CABCOCO1: variants seen among roughly 807,000 people sequenced by gnomAD.
CABCOCO1 encodes ciliary associated calcium binding coiled-coil 1.
In CABCOCO1, 28 loss-of-function variants were observed where a neutral mutation model predicts 35.7. The observed-to-expected ratio is 0.78, with a 90% confidence interval of 0.58 to 1.07. The LOEUF (loss-of-function observed/expected upper bound fraction) is 1.07. Ranked by LOEUF, CABCOCO1 falls within the 50% of genes least tolerant of loss-of-function variation. CABCOCO1 has a pLI of 0.00. For missense variants in CABCOCO1, 326 were observed against 309.2 expected (o/e 1.05, Z -0.41); for synonymous variants, 95 against 100.1 (o/e 0.95, Z 0.30).
At chr10:61,679,837 C>G (rs1005128251) in intron 2 of CABCOCO1, among the ~76,000 whole-genome samples, 10 of 151,614 alleles carry the variant, frequency 6.6e-5, no homozygotes, top group African/African-American at 2.4e-4. Context: ...ACATATGAAG[C>G]AACTACAGAA....
chr10:61,663,348 C>T (rs181346061), intron 1 of CABCOCO1, among the ~76,000 whole-genome samples: 1 of 151,898 alleles, frequency 6.6e-6, no homozygotes, highest in East Asian at 1.9e-4. Flanking sequence ...GCTTCTACCG[C>T]AGGTTTTGTT....
intron 7 of CABCOCO1, among the ~76,000 whole-genome samples, chr10:61,763,058 T>C (rs1470050724): frequency 2.0e-5 from 3 of 152,106 alleles, no homozygotes; most frequent in Admixed American, 6.6e-5. Context: ...AGTGTATATA[T>C]GCTATTTGAA....
chr10:61,675,678 T>G (rs1218661594), intron 2 of CABCOCO1, among the ~76,000 whole-genome samples: 1 of 151,966 alleles, frequency 6.6e-6, no homozygotes, highest in Non-Finnish European at 1.5e-5. Context: ...GAAGAAAATG[T>G]TAGATTAAAG....
At chr10:61,719,885 C>A (rs1023640024) in intron 5 of CABCOCO1, among the ~76,000 whole-genome samples, 1 of 142,422 alleles carries the variant, frequency 7.0e-6, no homozygotes, top group African/African-American at 2.6e-5. Flanking sequence ...CACACCACTG[C>A]ACTCCAGCCT....
chr10:61,758,089 C>A (rs1227548334), intron 5 of CABCOCO1, among the ~76,000 whole-genome samples: 1 of 151,984 alleles, frequency 6.6e-6, no homozygotes, highest in African/African-American at 2.4e-5. Flanking sequence ...TATCTCAGTG[C>A]CTGCAGTAAA....
At chr10:61,732,094 A>C in intron 5 of CABCOCO1, among the ~76,000 whole-genome samples, 1 of 152,140 alleles carries the variant, frequency 6.6e-6, no homozygotes, top group Non-Finnish European at 1.5e-5. Context: ...AACAATATTT[A>C]AAAGTAATTT....
At chr10:61,697,476 G>T (rs1344777278) in intron 5 of CABCOCO1, among the ~76,000 whole-genome samples, 6 of 151,930 alleles carry the variant, frequency 3.9e-5, no homozygotes, top group Non-Finnish European at 7.4e-5. Flanking sequence ...ATTTTTAAAA[G>T]TAAATAAACA....
chr10:61,735,383 A>G (rs1841393388), intron 5 of CABCOCO1, among the ~76,000 whole-genome samples: 1 of 152,116 alleles, frequency 6.6e-6, no homozygotes, highest in Admixed American at 6.6e-5. Flanking sequence ...TCAACTAAGA[A>G]GAGGTAGCTA....
intron 5 of CABCOCO1, among the ~76,000 whole-genome samples, chr10:61,745,973 AT>A (rs1374156564): frequency 1.3e-5 from 2 of 152,148 alleles, no homozygotes; most frequent in African/African-American, 2.4e-5. Context: ...CTGCTAATGC[AT>A]TTTTTTAAGG....
At chr10:61,680,600 ATG>A (rs1839717542) in intron 2 of CABCOCO1, among the ~76,000 whole-genome samples, 3 of 17,948 alleles carry the variant, frequency 1.7e-4, no homozygotes, top group Non-Finnish European at 2.6e-4. Context: ...TATGTTATAC[ATG>A]TATAACATGT....
intron 5 of CABCOCO1, among the ~76,000 whole-genome samples, chr10:61,737,098 C>A (rs10994902): frequency 0.54 from 81,854 of 151,930 alleles, 23,178 homozygotes; most frequent in Admixed American, 0.67. Context: ...GCAAACAGAG[C>A]TAGTTTGGCT....
chr10:61,690,860 A>G (rs943265683), intron 5 of CABCOCO1, among the ~76,000 whole-genome samples: 10 of 152,184 alleles, frequency 6.6e-5, no homozygotes, highest in African/African-American at 2.4e-4. Context: ...TTTATGGATT[A>G]TTTGACAAAG....
rs1457133654 is a variant in CABCOCO1 at position 61,681,300 on chromosome 10, C to T, written c.322C>T (p.Gln108Ter). The T allele has an allele frequency of 6.5e-7, 1 of 1,545,738 alleles. No individual in the cohort carries two copies. Among genetic ancestry groups the T allele is most frequent in the South Asian group, 1.2e-5 (1 of 86,206 alleles). Reference protein sequence around the residue: ...KFMTLLAMSLQNLKTLHMSLE... With the variant: ...KFMTLLAMSL ...TATGACTTTACTAGCTATGTCACTTCAAAATCTTAAAAGTAAGTACACTAT... is the reference window on the plus strand; with the variant it reads ...TATGACTTTACTAGCTATGTCACTTTAAAATCTTAAAAGTAAGTACACTAT... The change falls in exon 3 of 8, where the codon CAA (glutamine) becomes TAA (stop). Residue 108 changes from glutamine (Q) to a stop codon, truncating the protein, a stop_gained. Coordinates refer to ENST00000648843, the MANE Select transcript of CABCOCO1 (RefSeq NM_001366906.2). LOFTEE classifies it high-confidence loss of function.
chr10:61,720,286 T>TA (rs955726702), intron 5 of CABCOCO1, among the ~76,000 whole-genome samples: 1 of 81,948 alleles, frequency 1.2e-5, no homozygotes, highest in Non-Finnish European at 3.4e-5. Context: ...AAATAAAAAA[T>TA]AAAAATAAAA....
chr10:61,701,497 A>G (rs1003442158), intron 5 of CABCOCO1, among the ~76,000 whole-genome samples: 5 of 152,184 alleles, frequency 3.3e-5, no homozygotes, highest in African/African-American at 4.8e-5. Flanking sequence ...AATACGACCT[A>G]GAAAACAAGG....
chr10:61,728,195 C>T (rs1243163611), intron 5 of CABCOCO1, among the ~76,000 whole-genome samples: 1 of 152,110 alleles, frequency 6.6e-6, no homozygotes, highest in Non-Finnish European at 1.5e-5. Context: ...TCTTTTAGAT[C>T]TGTAAGTCTT....
rs760222592 is a variant in CABCOCO1, at chr10:61,686,200, C to T, written c.479+15C>T. 2 of 1,517,042 alleles carry T rather than the reference C, an allele frequency of 1.3e-6. No homozygotes were observed. The highest frequency in any genetic ancestry group is 1.8e-6 in the Non-Finnish European group (2 of 1,134,838). The allele number at this position is 1,517,042 out of a possible 1,614,324, so 94.0% of individuals were successfully genotyped here. On this transcript the variant is annotated intron_variant, in intron 4 of 7. Coordinates refer to ENST00000648843, the MANE Select transcript of CABCOCO1 (RefSeq NM_001366906.2). ...TTAAAAATCAGGTATGGATTATTTT[C>T]AGTAACATTTATTTTTCATTTCACA...
chr10:61,764,542 C>T (rs1451053834), intron 7 of CABCOCO1, among the ~76,000 whole-genome samples: 1 of 151,914 alleles, frequency 6.6e-6, no homozygotes, highest in South Asian at 2.1e-4. Flanking sequence ...CCTAAGGTGA[C>T]GTAGCTGAAC....
chr10:61,759,509 A>T (rs1260911571), intron 5 of CABCOCO1, among the ~76,000 whole-genome samples: 4 of 151,988 alleles, frequency 2.6e-5, no homozygotes, highest in African/African-American at 9.7e-5. Context: ...CTCATAGTGA[A>T]GTCTTGCCTT....
Sources: gnomAD v4.1 joint callset for allele counts (sites outside exome capture counted in the v4.1 genomes callset) on GRCh38, gnomAD v4.1.1 for gene constraint, MANE v1.5 for transcripts, NCBI Gene and HGNC (gene_info 2026-07-23, HGNC 2026-07-21) for gene names.